RBM26: variants seen among roughly 807,000 people sequenced by gnomAD.
The protein encoded by RBM26 is RNA-binding protein 26.
In RBM26, 30 loss-of-function variants were observed where a neutral mutation model predicts 123.6. The observed-to-expected ratio is 0.24, with a 90% CI of 0.18 to 0.33. RBM26 has a LOEUF of 0.33. RBM26 is among the 10% of genes least tolerant of loss of function. The pLI, the probability that RBM26 is intolerant of heterozygous loss-of-function variation, is 1.00. For missense variants in RBM26, 947 were observed against 1,203.6 expected, an observed-to-expected ratio of 0.79 and a Z score of 3.15; for synonymous variants, 400 against 404.4, an observed-to-expected ratio of 0.99 and a Z score of 0.13.
intron 1 of RBM26, among the ~76,000 whole-genome samples, chr13:79,405,481 G>C (rs536614294): frequency 2.0e-4 from 30 of 151,954 alleles, no homozygotes; most frequent in African/African-American, 6.8e-4. Context: ...ATATATAACG[G>C]GAAAACGAGA....
chr13:79,327,795 AG>A (rs1191585476), intron 20 of RBM26, among the ~76,000 whole-genome samples: 1 of 152,156 alleles, frequency 6.6e-6, no homozygotes, highest in Non-Finnish European at 1.5e-5. Context: ...GGTGGGAGAC[AG>A]ATGAGGGTTG....
rs1276895718 is a variant in RBM26, at chr13:79,365,649, C to G, written c.1346G>C (p.Arg449Thr). The G allele has an allele frequency of 6.2e-7, 1 of 1,613,708 alleles. No homozygotes were observed. Among genetic ancestry groups the G allele is most frequent in the Non-Finnish European group, 8.5e-7 (1 of 1,179,838 alleles). Residue 449 changes from arginine (R) to threonine (T), a missense_variant, in exon 9 of 22, where the codon AGA (arginine) becomes ACA (threonine). Around this residue, in one of 5 missense-constraint regions of RBM26, gnomAD observed 493 missense variants for 563.1 expected, o/e 0.88. Coordinates refer to ENST00000438737, the MANE Select transcript of RBM26 (RefSeq NM_001366735.2). The part of the protein sequence containing the change: ...SITNTSRPMY[R>T]HRVHAQRPNL... The stretch of plus-strand genomic sequence containing the variant: ...GGGCCTTTGTGCATGCACTCTGTGT[C>G]TATACATAGGTCTGGAAGTGTTTGT...
At chr13:79,391,444 G>GA (rs1337248202) in intron 1 of RBM26, among the ~76,000 whole-genome samples, 1 of 152,072 alleles carries the variant, frequency 6.6e-6, no homozygotes, top group Admixed American at 6.5e-5. Context: ...GTGTTTTTTT[G>GA]AGACAGTCTT....
intron 20 of RBM26, among the ~76,000 whole-genome samples, chr13:79,333,272 G>C (rs1355574928): frequency 6.6e-6 from 1 of 152,054 alleles, no homozygotes; most frequent in Non-Finnish European, 1.5e-5. Context: ...GCTTTAAAAA[G>C]AGAACACCCT....
intron 1 of RBM26, among the ~76,000 whole-genome samples, chr13:79,401,983 T>C (rs1215948987): frequency 6.7e-6 from 1 of 150,272 alleles, no homozygotes; most frequent in Non-Finnish European, 1.5e-5. Flanking sequence ...TTTTATTTTC[T>C]AAAAAATTAA....
At chr13:79,380,075 G>A (rs1471801718) in intron 1 of RBM26, among the ~76,000 whole-genome samples, 1 of 152,126 alleles carries the variant, frequency 6.6e-6, no homozygotes, top group East Asian at 1.9e-4. Flanking sequence ...GTAGTATCAA[G>A]GTCACAAATG....
At chr13:79,367,432 A>AAAAAAAAAAAAAAAAAAAAAAT (rs1566476253) in intron 6 of RBM26, among the ~76,000 whole-genome samples, 1 of 42,730 alleles carries the variant, frequency 2.3e-5, no homozygotes, top group Non-Finnish European at 5.3e-5. Context: ...AAAAAAAAAA[A>AAAAAAAAAAAAAAAAAAAAAAT]GAAGAAGAAG....
chr13:79,337,118 A>T lies in RBM26; in HGVS notation c.2717T>A (p.Leu906His), dbSNP rs1317404224. The change falls in exon 19 of 22, where the codon CTT becomes CAT. Residue 906 changes from leucine to histidine, a missense_variant. Transcript: ENST00000438737. ...AGAAAGTACCGCAAAATGAGGAAGA[A>T]GATCTTCTCTATCGCTCTCCGTAAA... ...SAFTESDRED[L>H]LPHFAQYGEI... 1 of 1,614,032 alleles carries T rather than the reference A, an allele frequency of 6.2e-7. No homozygotes were observed. The highest frequency in any genetic ancestry group is 8.5e-7 in the Non-Finnish European group (1 of 1,179,964).
At chr13:79,348,550 T>C (rs1049145673) in intron 14 of RBM26, among the ~76,000 whole-genome samples, 4 of 152,164 alleles carry the variant, frequency 2.6e-5, no homozygotes, top group Admixed American at 2.6e-4. Context: ...AATATAGTTA[T>C]GATGTCTAGC....
chr13:79,351,316 A>G (rs1201505750), intron 14 of RBM26, among the ~76,000 whole-genome samples: 3 of 152,210 alleles, frequency 2.0e-5, no homozygotes, highest in African/African-American at 4.8e-5. Context: ...AGAACTGTAC[A>G]TATTTATGGG....
intron 14 of RBM26, among the ~76,000 whole-genome samples, chr13:79,351,865 C>T (rs537323136): frequency 3.3e-5 from 5 of 152,060 alleles, no homozygotes; most frequent in Non-Finnish European, 5.9e-5. Flanking sequence ...ATAAACTAGA[C>T]GAGGGGAATT....
intron 8 of RBM26, 110 bp from the exon 9 acceptor site, chr13:79,365,828 G>A (rs1594365030): frequency 1.0e-6 from 1 of 971,560 alleles, no homozygotes; most frequent in Non-Finnish European, 1.5e-6. Context: ...CATATAACAT[G>A]CTCTATATGT....
At chr13:79,382,955 G>C (rs1249266532) in intron 1 of RBM26, among the ~76,000 whole-genome samples, 2 of 560 alleles carry the variant, frequency 3.6e-3, no homozygotes, top group Non-Finnish European at 0.014. Context: ...GAGAGAACTT[G>C]GTAAGTCTTC....
Position 79,377,397 on chromosome 13 carries a change from T to G in RBM26, c.309A>C (p.Lys103Asn). Residue 103 changes from lysine (K) to asparagine (N), a missense_variant, in exon 3 of 22, where the codon AAA (lysine) becomes AAC (asparagine). Around this residue, in one of 5 missense-constraint regions of RBM26, gnomAD observed 275 missense variants for 361.0 expected, o/e 0.76. Transcript: ENST00000438737. ...LKVEFFPHQE[K>N]DIKKEEITKE... The stretch of plus-strand genomic sequence containing the variant: ...TCGTTACCTCTTCCTTCTTTATATC[T>G]TTTTCTTGGTGTGGAAAAAATTCTA... 6.2e-7 allele frequency: 1 copy of G among 1,613,308 alleles called. No individual in the cohort carries two copies. Among genetic ancestry groups the G allele is most frequent in the Non-Finnish European group, 8.5e-7 (1 of 1,179,304 alleles).
intron 1 of RBM26, among the ~76,000 whole-genome samples, chr13:79,399,961 C>T (rs1482580214): frequency 6.6e-6 from 1 of 152,032 alleles, no homozygotes; most frequent in Non-Finnish European, 1.5e-5. Context: ...GAGATAAAAG[C>T]TTAAGACTGT....
chr13:79,316,102 G>A (rs1397917641), downstream of RBM26, among the ~76,000 whole-genome samples: 3 of 151,418 alleles, frequency 2.0e-5, no homozygotes, highest in Admixed American at 6.6e-5. Flanking sequence ...GAAAAGCCCC[G>A]AGAGAAAGAC....
intron 5 of RBM26, 30 bp downstream of exon 5, chr13:79,370,915 A>G: frequency 6.4e-7 from 1 of 1,574,044 alleles, no homozygotes; most frequent in Non-Finnish European, 8.7e-7. Context: ...GGAGTTTTTC[A>G]TAAAAAGATA....
intron 9 of RBM26, among the ~76,000 whole-genome samples, chr13:79,364,810 T>C (rs1330306565): frequency 1.3e-5 from 2 of 152,188 alleles, no homozygotes; most frequent in Non-Finnish European, 1.5e-5. Flanking sequence ...TTAAGAGTCA[T>C]TTCTTAACAC....
In RBM26 at chr13:79,319,795, A is replaced by T. The variant is rs1253257984; in HGVS notation, c.*826T>A. The T allele has an allele frequency of 1.4e-5, 14 of 977,352 alleles. No homozygotes were observed. In the South Asian group the frequency reaches 3.8e-4, roughly 26 times the overall value. 60.5% of individuals were successfully genotyped at this position (977,352 alleles called of 1,614,324 possible). ...GATTGTACATTATTGTAAGGGTACC[A>T]GTAACCATTATTATTAAGAATAAGT... On this transcript the variant is annotated 3_prime_UTR_variant, in exon 22 of 22. Transcript: ENST00000438737.
Sources: allele counts gnomAD v4.1 joint callset (sites outside exome capture counted in the v4.1 genomes callset), GRCh38; gene constraint gnomAD v4.1.1; regional missense constraint gnomAD v4.1.1; transcripts MANE v1.5; gene names NCBI Gene and HGNC (gene_info 2026-07-23, HGNC 2026-07-21).